UBA2: variants seen among roughly 807,000 people sequenced by gnomAD.
UBA2 encodes the protein SUMO-activating enzyme subunit 2.
In UBA2, 11 loss-of-function variants were observed where a neutral mutation model predicts 77.2. The ratio of observed to expected loss-of-function variants is 0.14; its 90% CI spans 0.09 to 0.24. The LOEUF (loss-of-function observed/expected upper bound fraction) is 0.24, where lower values mean the gene tolerates loss of function less well. UBA2 is among the 10% of genes least tolerant of loss of function. The pLI is 1.00. For missense variants in UBA2, 487 were observed against 781.7 expected (o/e 0.62, Z 4.50); for synonymous variants, 278 against 276.7 (o/e 1.00, Z -0.05).
At chr19:34,434,358 C>T (rs897839575) in intron 4 of UBA2, among the ~76,000 whole-genome samples, 4 of 152,190 alleles carry the variant, frequency 2.6e-5, no homozygotes, top group African/African-American at 9.6e-5. Context: ...TCAAGCAGTC[C>T]TCCCACCTCA....
In UBA2 at chr19:34,458,907, C is replaced by G. The variant is rs1248129755; in HGVS notation, c.1384C>G (p.Leu462Val). Residue 462 changes from leucine (L) to valine (V), a missense_variant, in exon 13 of 17, where the codon CTC becomes GTC. Around this residue, in one of 9 missense-constraint regions of UBA2, gnomAD observed 300 missense variants for 454.3 expected, o/e 0.66. Transcript: ENST00000246548. ...VRLNVHKVTV[L>V]TLQDKIVKEK... ...GCTGAATGTCCATAAAGTGACTGTT[C>G]TCACCTTACAAGACAAGGTCAGTGC... 3.7e-6 allele frequency: 6 copies of G among 1,613,842 alleles called. No homozygotes were observed. The highest frequency in any genetic ancestry group is 5.1e-6 in the Non-Finnish European group (6 of 1,179,916).
intron 6 of UBA2, among the ~76,000 whole-genome samples, chr19:34,443,173 TATA>T (rs1305633955): frequency 1.9e-4 from 29 of 152,358 alleles, no homozygotes; most frequent in African/African-American, 6.3e-4. Flanking sequence ...ACCTGAGGTA[TATA>T]ATAATGTTTG....
Position 34,469,139 on chromosome 19 carries a change from T to C in UBA2, c.1841T>C (p.Leu614Ser). 6.2e-7 allele frequency: 1 copy of C among 1,613,612 alleles called. No homozygotes were observed. Among genetic ancestry groups the C allele is most frequent in the Non-Finnish European group, 8.5e-7 (1 of 1,179,812 alleles). ...SEEERSRKRK[L>S]DEKENLSAKR... ...GAAGAGAGAAGCCGCAAGAGGAAAT[T>C]AGATGAGAAAGAGAATCTCAGTGCA... Residue 614 changes from leucine (L) to serine (S), a missense_variant, in exon 17 of 17, where the codon TTA becomes TCA. Physicochemically the swap from Leu to Ser is moderately radical, Grantham distance 145. Around this residue, in one of 9 missense-constraint regions of UBA2, gnomAD observed 12 missense variants for 35.3 expected, o/e 0.34. Coordinates refer to ENST00000246548, the MANE Select transcript of UBA2 (RefSeq NM_005499.3).
At chr19:34,444,732 A>G (rs1000164033) in intron 7 of UBA2, among the ~76,000 whole-genome samples, 4 of 152,170 alleles carry the variant, frequency 2.6e-5, no homozygotes, top group African/African-American at 9.7e-5. Context: ...GCTTGAGCCC[A>G]AGAGGTAGAA....
At chr19:34,447,863 G>A (rs1212782214) in intron 8 of UBA2, among the ~76,000 whole-genome samples, 1 of 152,206 alleles carries the variant, frequency 6.6e-6, no homozygotes, top group East Asian at 1.9e-4. Context: ...TGACATTTAA[G>A]CCCAAGGCTT....
Position 34,469,232 on chromosome 19 carries a change from C to T in UBA2, c.*11C>T, listed in dbSNP as rs757662571. 2.6e-6 allele frequency: 4 copies of T among 1,556,362 alleles called. No individual in the cohort carries two copies. ...ATAGCATTAGATTGAACAGAAATGC[C>T]TCTAAACAGAACCCTCTTACTATTT... On this transcript the variant is annotated 3_prime_UTR_variant, in exon 17 of 17. Transcript: ENST00000246548.
intron 4 of UBA2, 51 bp from the exon 5 acceptor site, chr19:34,434,817 A>G: frequency 7.2e-7 from 1 of 1,391,062 alleles, no homozygotes; most frequent in Non-Finnish European, 1.0e-6. Flanking sequence ...CTAATTAAAG[A>G]TAACTAATTT....
chr19:34,446,608 C>CTTTTTTTTTTTT (rs764109454), intron 8 of UBA2, among the ~76,000 whole-genome samples: 2 of 145,194 alleles, frequency 1.4e-5, no homozygotes, highest in African/African-American at 2.7e-5. Flanking sequence ...TTTTTTTTTT[C>CTTTTTTTTTTTT]TTTCTTTTTT....
At chr19:34,446,719 C>T (rs1285807721) in intron 8 of UBA2, among the ~76,000 whole-genome samples, 1 of 151,982 alleles carries the variant, frequency 6.6e-6, no homozygotes, top group African/African-American at 2.4e-5. Context: ...GGCTATTCTC[C>T]TGCCTCAGCC....
intron 9 of UBA2, 25 bp from the exon 10 acceptor site, chr19:34,451,956 C>G (rs1193771774): frequency 2.1e-6 from 3 of 1,410,564 alleles, no homozygotes; most frequent in Middle Eastern, 2.0e-4. Context: ...AGTGAAATTT[C>G]TAATATATAT....
chr19:34,428,630 G>C lies in UBA2; in HGVS notation c.138+60G>C, dbSNP rs571614438. 4.4e-4 allele frequency: 559 copies of C among 1,275,022 alleles called. 9 individuals carry two copies. In the South Asian group the frequency reaches 0.018, roughly 40 times the overall value. The allele number at this position is 1,275,022 out of a possible 1,614,324, so 79.0% of individuals were successfully genotyped here. The stretch of plus-strand genomic sequence containing the variant: ...TGTGGTGCGGGGGCTGGGATTCGGG[G>C]GTTCCGGGGCTCCAGGGGCTCTGAG... On this transcript the variant is annotated intron_variant, in intron 1 of 16. Transcript: ENST00000246548.
intron 9 of UBA2, among the ~76,000 whole-genome samples, chr19:34,451,547 T>G (rs955112203): frequency 5.6e-5 from 7 of 125,946 alleles, no homozygotes; most frequent in African/African-American, 1.5e-4. Context: ...TTTTTTTTTT[T>G]TTTTTTTTTT....
At chr19:34,433,215 A>G (rs938771229) in intron 3 of UBA2, 133 bp from the exon 4 acceptor site, 5 of 628,846 alleles carry the variant, frequency 8.0e-6, no homozygotes, top group Admixed American at 3.0e-5. Flanking sequence ...AAACCTTACT[A>G]TCTATATGAC....
At chr19:34,467,767 A>G (rs1236695508) in intron 16 of UBA2, among the ~76,000 whole-genome samples, 1 of 152,214 alleles carries the variant, frequency 6.6e-6, no homozygotes, top group Non-Finnish European at 1.5e-5. Context: ...GGCTCCAAAC[A>G]AACAAGTCAT....
Position 34,444,044 on chromosome 19 carries a change from G to GTTTTTTTTTTTTT in UBA2, c.649+145_649+157dup, listed in dbSNP as rs35028159. 273 of 175,774 alleles carry GTTTTTTTTTTTTT rather than the reference G, an allele frequency of 1.6e-3. 1 individual carries two copies. The highest frequency in any genetic ancestry group is 3.6e-3 in the African/African-American group (81 of 22,668). The allele number at this position is 175,774 out of a possible 1,614,324, so 10.9% of individuals were successfully genotyped here. A position where few individuals can be genotyped will look rare whatever the true frequency, so the allele number is the denominator to read the frequency against. On this transcript the variant is annotated intron_variant, in intron 7 of 16. Transcript: ENST00000246548. The stretch of plus-strand genomic sequence containing the variant: ...TGTGTTTAACATGTGTTTTTTTTTT[G>GTTTTTTTTTTTTT]TTTTTTTTTTTTTTTTTTTTTTTTG...
chr19:34,447,362 A>G (rs2075443438), intron 8 of UBA2, among the ~76,000 whole-genome samples: 1 of 152,210 alleles, frequency 6.6e-6, no homozygotes, highest in South Asian at 2.1e-4. Context: ...CAAGACCAGT[A>G]CTTTGCATCT....
intron 12 of UBA2, among the ~76,000 whole-genome samples, chr19:34,456,517 T>G (rs1202315477): frequency 6.6e-6 from 1 of 152,170 alleles, no homozygotes; most frequent in Non-Finnish European, 1.5e-5. Flanking sequence ...ATTTAAACTT[T>G]TATTGTATAT....
chr19:34,445,888 G>A (rs1038581897), intron 8 of UBA2, among the ~76,000 whole-genome samples: 5 of 152,102 alleles, frequency 3.3e-5, no homozygotes, highest in Admixed American at 6.6e-5. Flanking sequence ...AATATTTCTA[G>A]AGAAATCTGT....
In UBA2 at chr19:34,450,204, TTTCTTG is replaced by T. The variant is rs1599914294; in HGVS notation, c.772-59_772-54del. On this transcript the variant is annotated intron_variant, in intron 8 of 16. Transcript: ENST00000246548. The stretch of plus-strand genomic sequence containing the variant: ...GTGTAATATAGATCAGCAATGACGT[TTTCTTG>T]TATCTTATCAATTAGGGATTATGGG... The T allele has an allele frequency of 3.0e-5, 36 of 1,195,686 alleles. No individual in the cohort carries two copies. In the East Asian group the frequency reaches 8.6e-4, roughly 29 times the overall value. 74.1% of individuals were successfully genotyped at this position (1,195,686 alleles called of 1,614,324 possible).
Sources: allele counts gnomAD v4.1 joint callset (sites outside exome capture counted in the v4.1 genomes callset), GRCh38; gene constraint gnomAD v4.1.1; regional missense constraint gnomAD v4.1.1; transcripts MANE v1.5; gene names NCBI Gene and HGNC (gene_info 2026-07-23, HGNC 2026-07-21).